NUB1: variants seen among roughly 807,000 people sequenced by gnomAD.
The protein encoded by NUB1 is NEDD8 ultimate buster 1.
NUB1 carries 41 observed loss-of-function variants against 77.1 expected under a neutral mutation model. The ratio of observed to expected loss-of-function variants is 0.53; its 90% CI spans 0.41 to 0.69. The LOEUF is 0.69. Among genes scored for constraint, NUB1 ranks in the 30% least tolerant of loss-of-function variants. NUB1 has a pLI of 0.00. For synonymous variants in NUB1, 257 were observed against 281.0 expected, an observed-to-expected ratio of 0.91 and a Z score of 0.85; for missense variants, 643 against 743.8, an observed-to-expected ratio of 0.86 and a Z score of 1.58.
chr7:151,355,639 C>A, intron 5 of NUB1, 129 bp from the exon 6 acceptor site: 1 of 940,316 alleles, frequency 1.1e-6, no homozygotes, highest in Non-Finnish European at 1.6e-6. Flanking sequence ...TGTCACTGCA[C>A]TCCAGCCTGG....
intron 8 of NUB1, among the ~76,000 whole-genome samples, chr7:151,363,954 C>T (rs139522176): frequency 1.2e-3 from 189 of 151,508 alleles, no homozygotes; most frequent in African/African-American, 4.3e-3. Context: ...CTACCACTCC[C>T]GACTAGTTTT....
intron 12 of NUB1, chr7:151,374,451 C>T (rs1156912694): frequency 1.5e-6 from 1 of 658,450 alleles, no homozygotes; most frequent in South Asian, 1.8e-5. Flanking sequence ...TTGGCCCAGG[C>T]CTGGCTCCAA....
At position 151,374,137 on chromosome 7, in the gene NUB1, G is replaced by T. The variant is rs1439496753; in HGVS notation, c.1289G>T (p.Arg430Ile). The change falls in exon 12 of 15, where the codon AGA (arginine) becomes ATA (isoleucine). Residue 430 changes from arginine to isoleucine, a missense_variant. Transcript: ENST00000568733. Reference protein sequence around the residue: ...QIRKEEKEKKRRRLENIRFLK... With the variant: ...QIRKEEKEKKIRRLENIRFLK... ...AGGAAGGAGGAAAAAGAGAAGAAAA[G>T]ACGCCGCCTCGAGAACATCAGGTTT... The T allele has an allele frequency of 6.4e-7, 1 of 1,571,840 alleles. No homozygotes were observed. Among genetic ancestry groups the T allele is most frequent in the Non-Finnish European group, 8.6e-7 (1 of 1,159,120 alleles).
intron 10 of NUB1, among the ~76,000 whole-genome samples, chr7:151,368,234 A>G (rs1371326329): frequency 6.6e-6 from 1 of 152,212 alleles, no homozygotes; most frequent in Admixed American, 6.5e-5. Flanking sequence ...AGGCCGGAGC[A>G]GTGAGCAGCC....
At chr7:151,356,663 T>C (rs1249132452) in intron 7 of NUB1, among the ~76,000 whole-genome samples, 1 of 152,256 alleles carries the variant, frequency 6.6e-6, no homozygotes, top group Admixed American at 6.5e-5. Flanking sequence ...CCCTGTTCTA[T>C]AATTTGGGAT....
intron 2 of NUB1, among the ~76,000 whole-genome samples, chr7:151,347,260 G>A (rs1233456874): frequency 6.6e-6 from 1 of 151,752 alleles, no homozygotes; most frequent in Admixed American, 6.6e-5. Flanking sequence ...TGTATTGCTG[G>A]ACACAGTGGC....
At position 151,376,721 on chromosome 7, in the gene NUB1, G is replaced by A; in HGVS notation, c.1579G>A (p.Ala527Thr). 1 of 1,606,874 alleles carries A rather than the reference G, an allele frequency of 6.2e-7. No homozygotes were observed. The highest frequency in any genetic ancestry group is 8.5e-7 in the Non-Finnish European group (1 of 1,177,236). The change falls in exon 14 of 15, where the codon GCT becomes ACT. Residue 527 changes from alanine to threonine, a missense_variant. Coordinates refer to ENST00000568733, the MANE Select transcript of NUB1 (RefSeq NM_001243351.2). ...GNVQLAAQTLAHNGGSLPPEL... is the reference protein window; with the variant it reads ...GNVQLAAQTLTHNGGSLPPEL... ...CGTCCAGCTGGCCGCCCAGACCCTT[G>A]CTCACAACGGAGGAAGCCTGCCTCC...
In NUB1 at chr7:151,355,856, C is replaced by A; in HGVS notation, c.504C>A (p.Asn168Lys). 2 of 1,613,432 alleles carry A rather than the reference C, an allele frequency of 1.2e-6. No individual in the cohort carries two copies. Among genetic ancestry groups the A allele is most frequent in the South Asian group, 2.2e-5 (2 of 90,936 alleles). ...AATCTGAAGAGGACGCGAGGAAAAA[C>A]TTCCAGTTAGAGGAAGAGGAGCAAA... is the stretch of plus-strand genomic sequence containing the variant. ...LKQSEEDARK[N>K]FQLEEEEQNE... Residue 168 changes from asparagine to lysine, a missense_variant, in exon 6 of 15, where the codon AAC becomes AAA. Asn to Lys is a moderately conservative substitution (Grantham distance 94). Transcript: ENST00000568733.
intron 5 of NUB1, 104 bp from the exon 6 acceptor site, chr7:151,355,664 C>G: frequency 8.6e-7 from 1 of 1,162,622 alleles, no homozygotes; most frequent in South Asian, 1.7e-5. Context: ...CAGAGTGAGA[C>G]CTTGTCTCAA....
rs146523163 is a variant in NUB1, at chr7:151,349,109, T to G, written c.154T>G (p.Cys52Gly). ...GCAGTACTCTGACAGACTAGAATGCTGTGAAAATGAAGTAGAAAAGGTAAT... is the reference window on the plus strand; with the variant it reads ...GCAGTACTCTGACAGACTAGAATGCGGTGAAAATGAAGTAGAAAAGGTAAT... ...AKQYSDRLEC[C>G]ENEVEKVIEE... The change falls in exon 3 of 15, where the codon TGT becomes GGT. Residue 52 changes from cysteine (C) to glycine (G), a missense_variant. Cys to Gly is a radical substitution (Grantham distance 159). Coordinates refer to ENST00000568733, the MANE Select transcript of NUB1 (RefSeq NM_001243351.2). The G allele has an allele frequency of 3.1e-4, 499 of 1,613,602 alleles. 3 individuals carry two copies. In the East Asian group the frequency reaches 9.3e-3, roughly 30 times the overall value.
At chr7:151,372,235 G>A (rs959943175) in intron 11 of NUB1, among the ~76,000 whole-genome samples, 1 of 152,198 alleles carries the variant, frequency 6.6e-6, no homozygotes, top group Non-Finnish European at 1.5e-5. Flanking sequence ...AGCCACTTCA[G>A]TGCAGTACTC....
At chr7:151,370,777 A>G (rs1013579205) in intron 11 of NUB1, among the ~76,000 whole-genome samples, 2 of 145,278 alleles carry the variant, frequency 1.4e-5, no homozygotes, top group African/African-American at 2.6e-5. Context: ...CCCACCTGTG[A>G]GTGAGAATAT....
At chr7:151,370,691 C>T (rs1201778265) in intron 11 of NUB1, among the ~76,000 whole-genome samples, 5 of 126,578 alleles carry the variant, frequency 4.0e-5, no homozygotes, top group Admixed American at 8.3e-5. Flanking sequence ...TATCCCTCCC[C>T]CCTCCCCCCA....
At chr7:151,352,223 C>G (rs757236027) in intron 4 of NUB1, 2 of 455,012 alleles carry the variant, frequency 4.4e-6, no homozygotes, top group South Asian at 3.1e-5. Context: ...GGATGTGCAA[C>G]TAGGGCTTCC....
intron 2 of NUB1, among the ~76,000 whole-genome samples, chr7:151,346,920 T>G (rs1022246469): frequency 1.3e-5 from 2 of 152,134 alleles, no homozygotes; most frequent in African/African-American, 4.8e-5. Flanking sequence ...ACTTGGTAAC[T>G]GGTATCTGAA....
chr7:151,357,652 C>T (rs1239533028), intron 7 of NUB1, among the ~76,000 whole-genome samples: 2 of 150,776 alleles, frequency 1.3e-5, no homozygotes, highest in Non-Finnish European at 2.9e-5. Context: ...CTCTGTTGCC[C>T]AGGCTGGAGT....
chr7:151,352,771 A>T (rs1446928430), intron 4 of NUB1, 41 bp from the exon 5 acceptor site: 2 of 1,278,006 alleles, frequency 1.6e-6, no homozygotes, highest in East Asian at 4.6e-5. Context: ...AATAAATCGC[A>T]ATTTTGTTTT....
At chr7:151,343,953 G>A (rs1289518532) in intron 1 of NUB1, among the ~76,000 whole-genome samples, 2 of 151,846 alleles carry the variant, frequency 1.3e-5, no homozygotes, top group Admixed American at 6.6e-5. Flanking sequence ...AGGCCGAGGC[G>A]GGCGGATCAC....
chr7:151,350,330 A>G (rs887527298), intron 3 of NUB1, among the ~76,000 whole-genome samples: 1 of 152,104 alleles, frequency 6.6e-6, no homozygotes, highest in African/African-American at 2.4e-5. Context: ...TTCTCTAACT[A>G]CCCCAGGGAG....
Sources: gnomAD v4.1 joint callset for allele counts (sites outside exome capture counted in the v4.1 genomes callset) on GRCh38, gnomAD v4.1.1 for gene constraint, MANE v1.5 for transcripts, NCBI Gene and HGNC (gene_info 2026-07-23, HGNC 2026-07-21) for gene names.